The following HMOX1 variants were observed in gnomAD, a reference collection of about 807,000 sequenced individuals.
The protein encoded by HMOX1 is heme oxygenase 1, also known as heat shock protein, 32-kD.
HMOX1 carries 22 observed loss-of-function variants against 27.8 expected under a neutral mutation model. That is an observed-to-expected ratio of 0.79 (90% CI 0.57 to 1.13). The LOEUF (loss-of-function observed/expected upper bound fraction) is 1.13, where lower values mean the gene tolerates loss of function less well. Ranked by LOEUF, HMOX1 falls within the 50% of genes most tolerant of loss-of-function variation. HMOX1 has a pLI of 0.00. For missense variants in HMOX1, 379 were observed against 377.7 expected, an observed-to-expected ratio of 1.00 and a Z score of -0.03; for synonymous variants, 153 against 151.6, an observed-to-expected ratio of 1.01 and a Z score of -0.07.
In HMOX1 at chr22:35,386,494, T is replaced by C. The variant is rs371921452; in HGVS notation, c.145-191T>C. The stretch of plus-strand genomic sequence containing the variant: ...AAGGTTTTTAGGCTGAGAAAGTGCA[T>C]GATCGTCTTTTCCTCTTGTAAAAAC... On this transcript the variant is annotated intron_variant, in intron 2 of 4. Coordinates refer to ENST00000216117, the MANE Select transcript of HMOX1 (RefSeq NM_002133.3). Among the ~76,000 whole-genome samples, 54 of 152,344 alleles carry C rather than the reference T, an allele frequency of 3.5e-4. 1 individual carries two copies. In the East Asian group the frequency reaches 7.9e-3, roughly 22 times the overall value.
Position 35,393,726 on chromosome 22 carries a change from C to A in HMOX1, c.*128C>A. The A allele has an allele frequency of 1.8e-6, 2 of 1,082,508 alleles. No individual in the cohort carries two copies. The highest frequency in any genetic ancestry group is 1.3e-5 in the South Asian group (1 of 79,096). The allele number at this position is 1,082,508 out of a possible 1,614,324, so 67.1% of individuals were successfully genotyped here. On this transcript the variant is annotated 3_prime_UTR_variant, in exon 5 of 5. Transcript: ENST00000216117. ...AGGCTTTCAGGGCCTCCAGCCCTCT[C>A]ACTGTGTCCCTCTCTCTGGAAAGGA...
Position 35,381,150 on chromosome 22 carries a change from A to T in HMOX1, c.-24A>T, listed in dbSNP as rs1229282612. On this transcript the variant is annotated 5_prime_UTR_variant, in exon 1 of 5. Coordinates refer to ENST00000216117, the MANE Select transcript of HMOX1 (RefSeq NM_002133.3). ...CGCAGCCGCCGCCCGCGGAGCCAGCACGAACGAGCCCAGCACCGGCCGGAT... is the reference window on the plus strand; with the variant it reads ...CGCAGCCGCCGCCCGCGGAGCCAGCTCGAACGAGCCCAGCACCGGCCGGAT... 1.3e-6 allele frequency: 2 copies of T among 1,541,164 alleles called. No homozygotes were observed. Among genetic ancestry groups the T allele is most frequent in the Non-Finnish European group, 1.7e-6 (2 of 1,149,380 alleles).
intron 4 of HMOX1, among the ~76,000 whole-genome samples, chr22:35,392,221 CAAA>C (rs35400739): frequency 3.3e-5 from 3 of 90,636 alleles, no homozygotes; most frequent in African/African-American, 4.8e-5. Context: ...GACTCCATCT[CAAA>C]AAAAAAAAAA....
chr22:35,386,584 C>A (rs958064094), intron 2 of HMOX1, 101 bp from the exon 3 acceptor site: 1 of 1,468,412 alleles, frequency 6.8e-7, no homozygotes, highest in Non-Finnish European at 9.4e-7. Flanking sequence ...AGCCCAGCTG[C>A]GAAGTGAGGA....
chr22:35,386,880 T>C lies in HMOX1; in HGVS notation c.340T>C (p.Tyr114His). 2 of 1,614,132 alleles carry C rather than the reference T, an allele frequency of 1.2e-6. No individual in the cohort carries two copies. The highest frequency in any genetic ancestry group is 1.7e-6 in the Non-Finnish European group (2 of 1,180,018). ...CCCCTACACACCAGCCATGCAGCGC[T>C]ATGTGAAGCGGCTCCACGAGGTGGG... is the stretch of plus-strand genomic sequence containing the variant. The part of the protein sequence containing the change: ...VIPYTPAMQR[Y>H]VKRLHEVGRT... The change falls in exon 3 of 5, where the codon TAT becomes CAT. Residue 114 changes from tyrosine (Y) to histidine (H), a missense_variant. Coordinates refer to ENST00000216117, the MANE Select transcript of HMOX1 (RefSeq NM_002133.3).
chr22:35,391,585 C>CATTTTTTTTTTT (rs372077518), intron 4 of HMOX1, among the ~76,000 whole-genome samples: 2 of 112,460 alleles, frequency 1.8e-5, no homozygotes, highest in Non-Finnish European at 1.7e-5. Flanking sequence ...CCGCGCCCGG[C>CATTTTTTTTTTT]CTTTTTTTTT....
At chr22:35,390,725 T>G (rs938148950) in intron 4 of HMOX1, among the ~76,000 whole-genome samples, 59 of 152,194 alleles carry the variant, frequency 3.9e-4, no homozygotes, top group African/African-American at 1.4e-3. Context: ...GGGAAACTCC[T>G]GCCTCCTTAA....
intron 4 of HMOX1, 95 bp from the exon 5 acceptor site, chr22:35,393,373 C>A: frequency 6.6e-7 from 1 of 1,519,296 alleles, no homozygotes; most frequent in Non-Finnish European, 9.1e-7. Flanking sequence ...GACTGTACCA[C>A]AGACCCTGAG....
chr22:35,389,449 T>TTTCTTTC lies in HMOX1; in HGVS notation c.637-413_637-412insCTTTCTT, dbSNP rs1555901645. ...CTTTCTATCTTTCTTTCTTTCTTTC[T>TTTCTTTC]TTTCTTTCTTTCTTGCAGAGTCTCG... On this transcript the variant is annotated intron_variant, in intron 3 of 4. Coordinates refer to ENST00000216117, the MANE Select transcript of HMOX1 (RefSeq NM_002133.3). Among the ~76,000 whole-genome samples, 71 of 102,742 alleles carry TTTCTTTC rather than the reference T, an allele frequency of 6.9e-4. 3 individuals carry two copies. The highest frequency in any genetic ancestry group is 9.4e-4 in the African/African-American group (12 of 12,728). 67.4% of individuals were successfully genotyped at this position (102,742 alleles called of 152,430 possible). A position where few individuals can be genotyped will look rare whatever the true frequency, so the allele number is the denominator to read the frequency against.
rs1308550658 is a variant in HMOX1 at position 35,393,727 on chromosome 22, A to G, written c.*129A>G. ...GGCTTTCAGGGCCTCCAGCCCTCTC[A>G]CTGTGTCCCTCTCTCTGGAAAGGAG... On this transcript the variant is annotated 3_prime_UTR_variant, in exon 5 of 5. Transcript: ENST00000216117. 3.7e-6 allele frequency: 4 copies of G among 1,085,660 alleles called. No homozygotes were observed. The highest frequency in any genetic ancestry group is 4.8e-5 in the East Asian group (2 of 41,960). The allele number at this position is 1,085,660 out of a possible 1,614,324, so 67.3% of individuals were successfully genotyped here.
chr22:35,381,113 G>C lies in HMOX1; in HGVS notation c.-61G>C, dbSNP rs1931377232. 2.0e-6 allele frequency: 3 copies of C among 1,533,648 alleles called. No homozygotes were observed. The highest frequency in any genetic ancestry group is 2.7e-5 in the African/African-American group (2 of 73,078). On this transcript the variant is annotated 5_prime_UTR_variant, in exon 1 of 5. Transcript: ENST00000216117. ...CGGCAGTCAACGCCTGCCTCCTCTCGAGCGTCCTCAGCGCAGCCGCCGCCC... is the reference window on the plus strand; with the variant it reads ...CGGCAGTCAACGCCTGCCTCCTCTCCAGCGTCCTCAGCGCAGCCGCCGCCC...
intron 4 of HMOX1, among the ~76,000 whole-genome samples, chr22:35,393,177 G>A (rs1931765407): frequency 6.6e-6 from 1 of 152,210 alleles, no homozygotes; most frequent in Non-Finnish European, 1.5e-5. Flanking sequence ...TTAAGGAGAG[G>A]ACAGGGAGCA....
chr22:35,389,436 C>CTTTCTTTCTTTCTTTCT (rs1569057778), intron 3 of HMOX1, among the ~76,000 whole-genome samples: 5 of 107,354 alleles, frequency 4.7e-5, no homozygotes, highest in Non-Finnish European at 9.0e-5. Context: ...TTCTATCTTT[C>CTTTCTTTCTTTCTTTCT]TTTCTTTCTT....
At chr22:35,383,523 C>A (rs1022139722) in intron 2 of HMOX1, among the ~76,000 whole-genome samples, 5 of 151,980 alleles carry the variant, frequency 3.3e-5, no homozygotes, top group Admixed American at 6.6e-5. Flanking sequence ...GTGCTTCAAC[C>A]CTGACGAGAA....
chr22:35,387,312 C>G, intron 3 of HMOX1, 136 bp downstream of exon 3: 7 of 1,026,794 alleles, frequency 6.8e-6, no homozygotes, highest in Non-Finnish European at 1.0e-5. Flanking sequence ...CACTTACTAG[C>G]TGGGTGATCT....
intron 3 of HMOX1, among the ~76,000 whole-genome samples, chr22:35,389,239 TTTTC>T (rs2073572031): frequency 8.9e-6 from 1 of 112,784 alleles, no homozygotes; most frequent in African/African-American, 4.7e-5. Flanking sequence ...CTTTCTTTCT[TTTTC>T]TTTCTTTTCT....
At position 35,389,189 on chromosome 22, in the gene HMOX1, T is replaced by TTTTC. The variant is rs34867836; in HGVS notation, c.637-653_637-650dup. 5.7e-3 allele frequency among the ~76,000 whole-genome samples: 476 copies of TTTTC among 83,492 alleles called. 19 individuals carry two copies. Among genetic ancestry groups the TTTTC allele is most frequent in the Admixed American group, 6.7e-3 (68 of 10,172 alleles). The allele number at this position is 83,492 out of a possible 152,430, so 54.8% of individuals were successfully genotyped here. A position where few individuals can be genotyped will look rare whatever the true frequency, so the allele number is the denominator to read the frequency against. ...TTAAGGTGGATGAAAGGGATATGAA[T>TTTTC]TTTCTTTCTTTCTTTCTTTCTTTCT... On this transcript the variant is annotated intron_variant, in intron 3 of 4. Transcript: ENST00000216117.
chr22:35,389,266 CT>C lies in HMOX1; in HGVS notation c.637-597del, dbSNP rs1310763508. Among the ~76,000 whole-genome samples, 156 of 124,412 alleles carry C rather than the reference CT, an allele frequency of 1.3e-3. 15 individuals are homozygous for C. Among genetic ancestry groups the C allele is most frequent in the African/African-American group, 4.2e-3 (93 of 22,042 alleles). The allele number at this position is 124,412 out of a possible 152,430, so 81.6% of individuals were successfully genotyped here. ...TTCTTTCTTTTCTCTCTCTCTCTCTCTCTCTCTCCTCTCTCTCTCTCTCTTC... is the reference window on the plus strand; with the variant it reads ...TTCTTTCTTTTCTCTCTCTCTCTCTCCTCTCTCCTCTCTCTCTCTCTCTTC... On this transcript the variant is annotated intron_variant, in intron 3 of 4. Transcript: ENST00000216117.
intron 1 of HMOX1, 119 bp from the exon 2 acceptor site, chr22:35,382,987 C>T (rs1206607661): frequency 1.4e-5 from 20 of 1,380,172 alleles, no homozygotes; most frequent in Non-Finnish European, 1.8e-5. Flanking sequence ...CGATTGAGAA[C>T]GTGGCCTGAA....
Sources: gnomAD v4.1 joint callset for allele counts (sites outside exome capture counted in the v4.1 genomes callset) on GRCh38, gnomAD v4.1.1 for gene constraint, MANE v1.5 for transcripts, NCBI Gene and HGNC (gene_info 2026-07-23, HGNC 2026-07-21) for gene names.